The following XKR4 variants were observed in gnomAD, a reference collection of about 807,000 sequenced individuals.
The protein encoded by XKR4 is XK-related protein 4.
In XKR4, 12 loss-of-function variants were observed where a neutral mutation model predicts 53.9. That is an observed-to-expected ratio of 0.22 (90% confidence interval 0.14 to 0.36). The LOEUF (loss-of-function observed/expected upper bound fraction) is 0.36, where lower values mean the gene tolerates loss of function less well. Among genes scored for constraint, XKR4 ranks in the 10% least tolerant of loss-of-function variants. The pLI, the probability that XKR4 is intolerant of heterozygous loss-of-function variation, is 1.00. For missense variants in XKR4, 799 were observed against 859.5 expected, an observed-to-expected ratio of 0.93 and a Z score of 0.88; for synonymous variants, 354 against 362.4, an observed-to-expected ratio of 0.98 and a Z score of 0.26.
chr8:55,373,489 C>T (rs1223669614), intron 2 of XKR4, among the ~76,000 whole-genome samples: 1 of 152,180 alleles, frequency 6.6e-6, no homozygotes, highest in Non-Finnish European at 1.5e-5. Context: ...ATATTTTAAA[C>T]ATCCATAGTA....
At chr8:55,477,809 C>T (rs1262158320) in intron 2 of XKR4, among the ~76,000 whole-genome samples, 1 of 151,610 alleles carries the variant, frequency 6.6e-6, no homozygotes, top group South Asian at 2.1e-4. Context: ...GTATCAGTGA[C>T]GGAAGATGAA....
intron 2 of XKR4, among the ~76,000 whole-genome samples, chr8:55,494,114 G>C (rs962502514): frequency 7.2e-5 from 11 of 152,268 alleles, no homozygotes; most frequent in African/African-American, 2.7e-4. Context: ...AGCGAGGGGT[G>C]TATGAGTGGA....
chr8:55,398,071 G>T (rs1261241367), intron 2 of XKR4, among the ~76,000 whole-genome samples: 1 of 152,172 alleles, frequency 6.6e-6, no homozygotes, highest in Non-Finnish European at 1.5e-5. Flanking sequence ...TACAAAATTT[G>T]TTTTTATATA....
chr8:55,280,894 T>G (rs1415083087), intron 1 of XKR4, among the ~76,000 whole-genome samples: 1 of 152,226 alleles, frequency 6.6e-6, no homozygotes, highest in Non-Finnish European at 1.5e-5. Context: ...ATCCATCCAC[T>G]TCCTGTTAAA....
intron 1 of XKR4, among the ~76,000 whole-genome samples, chr8:55,106,909 C>T (rs1483052063): frequency 6.6e-6 from 1 of 152,064 alleles, no homozygotes; most frequent in Non-Finnish European, 1.5e-5. Flanking sequence ...CTGATTGTGT[C>T]CCATGTTCAA....
chr8:55,272,779 T>G (rs1818710259), intron 1 of XKR4: 1 of 376,708 alleles, frequency 2.7e-6, no homozygotes, highest in South Asian at 2.1e-5. Context: ...TAGCTACCAT[T>G]GTGGCAAATA....
chr8:55,379,126 G>A (rs990477183), intron 2 of XKR4, among the ~76,000 whole-genome samples: 4 of 152,166 alleles, frequency 2.6e-5, no homozygotes, highest in Non-Finnish European at 5.9e-5. Context: ...GTCAGTGATA[G>A]GGCTTACAGT....
chr8:55,428,537 G>A (rs1292799623), intron 2 of XKR4, among the ~76,000 whole-genome samples: 1 of 152,180 alleles, frequency 6.6e-6, no homozygotes, highest in African/African-American at 2.4e-5. Flanking sequence ...AGGCTATAAC[G>A]AGTCATCCCA....
rs531765933 is a variant in XKR4, at chr8:55,214,309, C to T, written c.806+111015C>T. ...TGCTAGATCGTAAACATGCTGAGGGCAATACCATTTCTAAGCTCATCCAAG... is the reference window on the plus strand; with the variant it reads ...TGCTAGATCGTAAACATGCTGAGGGTAATACCATTTCTAAGCTCATCCAAG... On this transcript the variant is annotated intron_variant, in intron 1 of 2. Transcript: ENST00000327381. 1.6e-4 allele frequency among the ~76,000 whole-genome samples: 24 copies of T among 152,268 alleles called. 1 individual carries two copies. In the East Asian group the frequency reaches 4.6e-3, roughly 29 times the overall value.
chr8:55,393,035 A>G (rs910535128), intron 2 of XKR4, among the ~76,000 whole-genome samples: 2 of 152,182 alleles, frequency 1.3e-5, no homozygotes, highest in Non-Finnish European at 2.9e-5. Flanking sequence ...AAATCTGGAA[A>G]GAATAATAGA....
intron 1 of XKR4, among the ~76,000 whole-genome samples, chr8:55,126,927 C>G (rs1363022028): frequency 6.6e-6 from 1 of 152,188 alleles, no homozygotes; most frequent in Non-Finnish European, 1.5e-5. Context: ...AAATCTTAAA[C>G]AGGAATCCTT....
chr8:55,303,963 G>A (rs1585999212), intron 1 of XKR4, among the ~76,000 whole-genome samples: 7 of 152,056 alleles, frequency 4.6e-5, no homozygotes, highest in Admixed American at 3.9e-4. Flanking sequence ...TGGATTCATT[G>A]ATTTTTTGAA....
At chr8:55,274,482 G>A (rs1270500122) in intron 1 of XKR4, among the ~76,000 whole-genome samples, 2 of 151,588 alleles carry the variant, frequency 1.3e-5, no homozygotes, top group African/African-American at 2.4e-5. Context: ...ACCCAGCCTG[G>A]AGTGCAGTGG....
At chr8:55,324,087 G>C (rs1156445159) in intron 1 of XKR4, among the ~76,000 whole-genome samples, 1 of 151,926 alleles carries the variant, frequency 6.6e-6, no homozygotes. Context: ...GTTATCTTAG[G>C]GTTGACATTT....
chr8:55,283,480 G>T (rs1818867739), intron 1 of XKR4, among the ~76,000 whole-genome samples: 1 of 152,194 alleles, frequency 6.6e-6, no homozygotes, highest in Non-Finnish European at 1.5e-5. Flanking sequence ...AAATTCCTTA[G>T]TTTATGTGAA....
chr8:55,324,941 A>G (rs1296046988), intron 1 of XKR4, among the ~76,000 whole-genome samples: 12 of 152,140 alleles, frequency 7.9e-5, no homozygotes, highest in Non-Finnish European at 1.2e-4. Flanking sequence ...CTTTCTCATC[A>G]CATAATTCTA....
At chr8:55,451,579 C>A in intron 2 of XKR4, 2 of 1,242,592 alleles carry the variant, frequency 1.6e-6, no homozygotes, top group Non-Finnish European at 2.3e-6. Context: ...TGCCTTGGAC[C>A]GCCGGATGCG....
chr8:55,365,658 G>A (rs1803969955), intron 2 of XKR4, among the ~76,000 whole-genome samples: 1 of 130,016 alleles, frequency 7.7e-6, no homozygotes, highest in African/African-American at 3.0e-5. Context: ...GGTGGGCCGA[G>A]ATCACACCAT....
intron 2 of XKR4, among the ~76,000 whole-genome samples, chr8:55,456,661 A>G (rs1805574618): frequency 6.6e-6 from 1 of 152,222 alleles, no homozygotes; most frequent in South Asian, 2.1e-4. Context: ...TGTTATATCA[A>G]CAGCAAATTT....
Sources: allele counts gnomAD v4.1 joint callset (sites outside exome capture counted in the v4.1 genomes callset), GRCh38; gene constraint gnomAD v4.1.1; transcripts MANE v1.5; gene names NCBI Gene and HGNC (gene_info 2026-07-23, HGNC 2026-07-21).